Variants in SLC39A11 observed in about 807,000 individuals in gnomAD.
SLC39A11 encodes zinc transporter ZIP11.
In SLC39A11, 33 loss-of-function variants were observed where a neutral mutation model predicts 36.1. That is an observed-to-expected ratio of 0.91 (90% CI 0.69 to 1.22). The LOEUF is 1.22. Among genes scored for constraint, SLC39A11 ranks in the 50% most tolerant of loss-of-function variants. The probability of loss-of-function intolerance (pLI) is 0.00; values close to 1 mark genes in which losing one functional copy is unlikely to be tolerated. For missense variants in SLC39A11, 432 were observed against 430.3 expected, an observed-to-expected ratio of 1.00 and a Z score of -0.03; for synonymous variants, 166 against 170.3, an observed-to-expected ratio of 0.97 and a Z score of 0.20.
rs192857829 is a variant in SLC39A11 at position 72,882,067 on chromosome 17, G to A, written c.431-32263C>T. On this transcript the variant is annotated intron_variant, in intron 5 of 9. Transcript: ENST00000255559. ...AACCAATTAAAACAGATGCTCTTTC[G>A]GCCGGGCCGGTGTGGTGGCTCATAC... 7.9e-5 allele frequency among the ~76,000 whole-genome samples: 12 copies of A among 152,146 alleles called. No individual in the cohort carries two copies. In the East Asian group the frequency reaches 1.3e-3, roughly 17 times the overall value.
intron 5 of SLC39A11, among the ~76,000 whole-genome samples, chr17:72,939,462 A>AAC (rs910507936): frequency 6.6e-6 from 1 of 151,454 alleles, no homozygotes; most frequent in Non-Finnish European, 1.5e-5. Context: ...CGTCTCGAAA[A>AAC]AAAAAAAAGA....
chr17:72,718,966 C>A (rs2073529895), intron 7 of SLC39A11, among the ~76,000 whole-genome samples: 1 of 151,970 alleles, frequency 6.6e-6, no homozygotes, highest in South Asian at 2.1e-4. Flanking sequence ...CTACCAGGTT[C>A]AGTGGCTCAC....
At chr17:73,040,793 T>A (rs959117411) in intron 3 of SLC39A11, among the ~76,000 whole-genome samples, 7 of 152,054 alleles carry the variant, frequency 4.6e-5, no homozygotes, top group Non-Finnish European at 1.0e-4. Flanking sequence ...GAGACCAGCC[T>A]GGTCAATATG....
rs971479489 is a variant in SLC39A11 at position 73,052,317 on chromosome 17, GA to G, written c.148-20604del. Reference sequence around the variant, plus strand: ...CCCATAAAGACAGGATGCTAGAGGGGAAAAAAAAAACAGGAAGACTAAGAGA... The same window carrying G: ...CCCATAAAGACAGGATGCTAGAGGGGAAAAAAAAACAGGAAGACTAAGAGA... On this transcript the variant is annotated intron_variant, in intron 3 of 9. Transcript: ENST00000255559. Among the ~76,000 whole-genome samples, 8 of 146,142 alleles carry G rather than the reference GA, an allele frequency of 5.5e-5. No homozygotes were observed. The East Asian group carries it at 6.0e-4, about 11-fold the overall frequency.
intron 7 of SLC39A11, among the ~76,000 whole-genome samples, chr17:72,721,114 TG>T (rs1251197799): frequency 1.4e-5 from 2 of 138,920 alleles, no homozygotes; most frequent in South Asian, 2.2e-4. Context: ...TTTTAAGTTT[TG>T]AGACAAGGTC....
chr17:73,083,553 AT>A (rs1568247661), intron 3 of SLC39A11, among the ~76,000 whole-genome samples: 1 of 152,214 alleles, frequency 6.6e-6, no homozygotes, highest in Non-Finnish European at 1.5e-5. Context: ...TGACATCTTC[AT>A]GCCTGAAAAA....
intron 5 of SLC39A11, among the ~76,000 whole-genome samples, chr17:72,855,741 C>CAA (rs199549332): frequency 6.6e-6 from 1 of 151,716 alleles, no homozygotes. Context: ...CTAAAAAATA[C>CAA]AAAAAATTAG....
intron 7 of SLC39A11, among the ~76,000 whole-genome samples, chr17:72,656,199 C>T (rs1032555534): frequency 1.3e-5 from 2 of 152,190 alleles, no homozygotes; most frequent in Non-Finnish European, 2.9e-5. Flanking sequence ...AACCCATGCC[C>T]TTCTGAAGAC....
Position 72,874,790 on chromosome 17 carries a change from C to A in SLC39A11, c.431-24986G>T, listed in dbSNP as rs553609404. On this transcript the variant is annotated intron_variant, in intron 5 of 9. Transcript: ENST00000255559. ...TGGCCATAGCCAGCAAAAGCCCATT[C>A]CCCTGTCCCGCTCTAAGAAGAAAGC... is the stretch of plus-strand genomic sequence containing the variant. Among the ~76,000 whole-genome samples, 214 of 152,304 alleles carry A rather than the reference C, an allele frequency of 1.4e-3. 1 individual carries two copies. Among genetic ancestry groups the A allele is most frequent in the African/African-American group, 4.8e-3 (200 of 41,554 alleles).
chr17:72,983,146 A>G (rs959891284), intron 4 of SLC39A11, among the ~76,000 whole-genome samples: 45 of 148,978 alleles, frequency 3.0e-4, no homozygotes, highest in Non-Finnish European at 3.8e-4. Context: ...TTGTTTGTTT[A>G]TTTGTTTTTG....
At chr17:72,764,886 C>T (rs1420630258) in intron 6 of SLC39A11, among the ~76,000 whole-genome samples, 1 of 152,188 alleles carries the variant, frequency 6.6e-6, no homozygotes, top group Non-Finnish European at 1.5e-5. Context: ...TCTGAAACCA[C>T]CTTTGCAAAA....
At chr17:72,657,849 G>A (rs1272919539) in intron 7 of SLC39A11, among the ~76,000 whole-genome samples, 1 of 152,240 alleles carries the variant, frequency 6.6e-6, no homozygotes, top group Non-Finnish European at 1.5e-5. Flanking sequence ...ATGGTCTGAT[G>A]CAAATTTTGA....
At chr17:72,776,749 C>G (rs1478897276) in intron 6 of SLC39A11, among the ~76,000 whole-genome samples, 1 of 151,944 alleles carries the variant, frequency 6.6e-6, no homozygotes, top group Non-Finnish European at 1.5e-5. Flanking sequence ...TTCATCCTCA[C>G]AACAGCATTC....
chr17:72,840,732 G>A (rs1352172260), intron 6 of SLC39A11, among the ~76,000 whole-genome samples: 2 of 151,986 alleles, frequency 1.3e-5, no homozygotes, highest in South Asian at 2.1e-4. Context: ...ACTCTACCCT[G>A]GGTGACAAGA....
At chr17:72,997,718 C>T (rs892796601) in intron 4 of SLC39A11, among the ~76,000 whole-genome samples, 1 of 152,208 alleles carries the variant, frequency 6.6e-6, no homozygotes, top group Non-Finnish European at 1.5e-5. Flanking sequence ...CTCTGTCCTG[C>T]GCAGAATGTG....
chr17:72,660,705 G>C (rs776976908), intron 7 of SLC39A11, among the ~76,000 whole-genome samples: 3 of 152,170 alleles, frequency 2.0e-5, no homozygotes, highest in East Asian at 1.9e-4. Flanking sequence ...GTTTAATGGA[G>C]TGGAACGTGC....
intron 5 of SLC39A11, among the ~76,000 whole-genome samples, chr17:72,880,955 ACAGG>A (rs1162669687): frequency 6.6e-6 from 1 of 151,754 alleles, no homozygotes; most frequent in African/African-American, 2.4e-5. Context: ...TGCTGGGATT[ACAGG>A]CGTGAGCCTC....
intron 5 of SLC39A11, among the ~76,000 whole-genome samples, chr17:72,852,204 C>CAAAAAAAAAAAAA (rs1167034424): frequency 0.012 from 480 of 39,906 alleles, 65 homozygotes; most frequent in Middle Eastern, 0.031. Context: ...GACTCCGTCT[C>CAAAAAAAAAAAAA]AAAAAAAAAA....
rs570651242 is a variant in SLC39A11, at chr17:72,682,942, A to T, written c.672-33674T>A. ...AGGCACCCATTTTGTCAACAAACAAACAAAAAACAAAAATGCCAGCAAACC... is the reference window on the plus strand; with the variant it reads ...AGGCACCCATTTTGTCAACAAACAATCAAAAAACAAAAATGCCAGCAAACC... On this transcript the variant is annotated intron_variant, in intron 7 of 9. Coordinates refer to ENST00000255559, the MANE Select transcript of SLC39A11 (RefSeq NM_139177.4). 2.0e-5 allele frequency among the ~76,000 whole-genome samples: 3 copies of T among 152,368 alleles called. No individual in the cohort carries two copies. The South Asian group carries it at 6.2e-4, about 32-fold the overall frequency.
Sources: allele counts gnomAD v4.1 joint callset (sites outside exome capture counted in the v4.1 genomes callset), GRCh38; gene constraint gnomAD v4.1.1; transcripts MANE v1.5; gene names NCBI Gene and HGNC (gene_info 2026-07-23, HGNC 2026-07-21).